The following UGT2B17 variants were observed in gnomAD, a reference collection of about 807,000 sequenced individuals.
UGT2B17 encodes UDP-glucuronosyltransferase 2B17.
Under a neutral mutation model 48.2 loss-of-function variants are expected in UGT2B17, and 21 were observed. The observed-to-expected ratio is 0.44, with a 90% CI of 0.31 to 0.63. The LOEUF (loss-of-function observed/expected upper bound fraction) is 0.63. Among genes scored for constraint, UGT2B17 ranks in the 20% least tolerant of loss-of-function variants. The pLI, the probability that UGT2B17 is intolerant of heterozygous loss-of-function variation, is 0.08. For synonymous variants in UGT2B17, 146 were observed against 238.4 expected (o/e 0.61, Z 3.57); for missense variants, 402 against 696.1 (o/e 0.58, Z 4.75).
rs1224530332 is a variant in UGT2B17 at position 68,569,400 on chromosome 4, G to A, written c.-64-852C>T. Among the ~76,000 whole-genome samples the A allele has an allele frequency of 1.6e-5, 2 of 124,492 alleles. 1 individual carries two copies. The allele number at this position is 124,492 out of a possible 152,430, so 81.7% of individuals were successfully genotyped here. A position where few individuals can be genotyped will look rare whatever the true frequency, so the allele number is the denominator to read the frequency against. On this transcript the variant is annotated intron_variant, in intron 1 of 6. Transcript: ENST00000317746. ...AGTTCCTGACTTTATGTGAAGCTGA[G>A]TCAAATTAGAGAACCAAGCCAAGCA... is the stretch of plus-strand genomic sequence containing the variant.
intron 6 of UGT2B17, among the ~76,000 whole-genome samples, chr4:68,543,263 A>C (rs1249192947): frequency 8.0e-6 from 1 of 125,280 alleles, no homozygotes; most frequent in Admixed American, 8.2e-5. Flanking sequence ...TCAGACAGCA[A>C]CATTTGCTGT....
Position 68,537,591 on chromosome 4 carries a change from C to A in UGT2B17, c.*34G>T. 7.6e-7 allele frequency: 1 copy of A among 1,307,964 alleles called. No individual in the cohort carries two copies. The allele number at this position is 1,307,964 out of a possible 1,614,324, so 81.0% of individuals were successfully genotyped here. A position where few individuals can be genotyped will look rare whatever the true frequency, so the allele number is the denominator to read the frequency against. ...TGCTGGAATAAAGGAGGAGTCCCAT[C>A]TTTTGGTCATTCCACTTCAGGCTTT... On this transcript the variant is annotated 3_prime_UTR_variant, in exon 7 of 7. Transcript: ENST00000317746.
At position 68,563,048 on chromosome 4, in the gene UGT2B17, T is replaced by C. The variant is rs1731132805; in HGVS notation, c.874-2380A>G. 1.6e-5 allele frequency among the ~76,000 whole-genome samples: 2 copies of C among 127,150 alleles called. 1 individual carries two copies. Among genetic ancestry groups the C allele is most frequent in the Admixed American group, 1.6e-4 (2 of 12,466 alleles). 83.4% of individuals were successfully genotyped at this position (127,150 alleles called of 152,430 possible). A position where few individuals can be genotyped will look rare whatever the true frequency, so the allele number is the denominator to read the frequency against. ...GAGTTTTTTAACGAATATTTGCTAC[T>C]AATATTGAATCTTACCATCATGATT... is the stretch of plus-strand genomic sequence containing the variant. On this transcript the variant is annotated intron_variant, in intron 3 of 6. Coordinates refer to ENST00000317746, the MANE Select transcript of UGT2B17 (RefSeq NM_001077.4).
chr4:68,560,980 AT>A (rs1402964113), intron 3 of UGT2B17, among the ~76,000 whole-genome samples: 1 of 125,306 alleles, frequency 8.0e-6, no homozygotes, highest in African/African-American at 2.7e-5. Context: ...CACTTTATTT[AT>A]AATATTATAA....
intron 5 of UGT2B17, 122 bp from the exon 6 acceptor site, chr4:68,551,018 T>C: frequency 1.5e-6 from 1 of 679,058 alleles, no homozygotes; most frequent in Non-Finnish European, 2.1e-6. Flanking sequence ...CCCACAAAAC[T>C]GCATTGAAAT....
At chr4:68,569,905 T>C (rs1209625123) in intron 1 of UGT2B17, among the ~76,000 whole-genome samples, 3 of 126,542 alleles carry the variant, frequency 2.4e-5, no homozygotes, top group African/African-American at 8.1e-5. Flanking sequence ...TGTTGTCTGT[T>C]GGCATGCTCT....
In UGT2B17 at chr4:68,542,219, A is replaced by G. The variant is rs181764433; in HGVS notation, c.1314-4315T>C. On this transcript the variant is annotated intron_variant, in intron 6 of 6. Transcript: ENST00000317746. ...ATTTCTGAGGCGTATGTTCTGTTCC[A>G]TTGGTCAATACATCTTTTTGGTACC... 1.6e-5 allele frequency among the ~76,000 whole-genome samples: 2 copies of G among 126,250 alleles called. 1 individual carries two copies. The highest frequency in any genetic ancestry group is 5.4e-5 in the African/African-American group (2 of 36,904). The allele number at this position is 126,250 out of a possible 152,430, so 82.8% of individuals were successfully genotyped here. A position where few individuals can be genotyped will look rare whatever the true frequency, so the allele number is the denominator to read the frequency against.
intron 2 of UGT2B17, 70 bp downstream of exon 2, chr4:68,567,691 T>G: frequency 9.4e-7 from 1 of 1,061,762 alleles, no homozygotes; most frequent in South Asian, 2.7e-5. Flanking sequence ...ACATTATATT[T>G]ATATAAGCCC....
rs1204129127 is a variant in UGT2B17 at position 68,569,909 on chromosome 4, A to G, written c.-64-1361T>C. 4.7e-5 allele frequency among the ~76,000 whole-genome samples: 6 copies of G among 126,450 alleles called. 1 individual carries two copies. The highest frequency in any genetic ancestry group is 1.4e-4 in the African/African-American group (5 of 36,894). 83.0% of individuals were successfully genotyped at this position (126,450 alleles called of 152,430 possible). A position where few individuals can be genotyped will look rare whatever the true frequency, so the allele number is the denominator to read the frequency against. On this transcript the variant is annotated intron_variant, in intron 1 of 6. Transcript: ENST00000317746. Reference sequence around the variant, plus strand: ...GCACTGCCTCGTGTTGTCTGTTGGCATGCTCTCAGGGATCAAACCAATTCA... The same window carrying G: ...GCACTGCCTCGTGTTGTCTGTTGGCGTGCTCTCAGGGATCAAACCAATTCA...
rs1179142315 is a variant in UGT2B17 at position 68,575,944 on chromosome 4, G to A, written c.-65+7C>T. ...GGAGTGGGACAAGTTCAAAAGACTA[G>A]TCTTACCAAGTTCCAGATGTCCAGA... On this transcript the variant is annotated splice_region_variant and intron_variant, in intron 1 of 6. Transcript: ENST00000317746. Among the ~76,000 whole-genome samples the A allele has an allele frequency of 3.2e-5, 4 of 126,536 alleles. No individual in the cohort carries two copies. The highest frequency in any genetic ancestry group is 6.7e-5 in the Non-Finnish European group (4 of 59,610). The allele number at this position is 126,536 out of a possible 152,430, so 83.0% of individuals were successfully genotyped here.
intron 4 of UGT2B17, among the ~76,000 whole-genome samples, chr4:68,559,452 G>A (rs1245066645): frequency 7.9e-6 from 1 of 125,798 alleles, no homozygotes; most frequent in African/African-American, 2.7e-5. Context: ...AGCATTGACA[G>A]CCTTGATATA....
At position 68,567,881 on chromosome 4, in the gene UGT2B17, A is replaced by G. The variant is rs764287789; in HGVS notation, c.604T>C (p.Leu202=). ...PSYVPVVMSE[L]SDQMIFMERI... ...TCCATGAAAATCATTTGATCACTTAATTCTGACATAACAACAGGTACATAG... is the reference window on the plus strand; with the variant it reads ...TCCATGAAAATCATTTGATCACTTAGTTCTGACATAACAACAGGTACATAG... The change falls in exon 2 of 7, where the codon TTA becomes CTA. Residue 202 remains leucine, a synonymous_variant. Transcript: ENST00000317746. The G allele has an allele frequency of 2.2e-6, 3 of 1,378,842 alleles. 1 individual carries two copies. The Admixed American group carries it at 6.1e-5, about 28-fold the overall frequency. The allele number at this position is 1,378,842 out of a possible 1,614,324, so 85.4% of individuals were successfully genotyped here. A position where few individuals can be genotyped will look rare whatever the true frequency, so the allele number is the denominator to read the frequency against.
intron 3 of UGT2B17, among the ~76,000 whole-genome samples, chr4:68,564,263 T>C (rs1159461314): frequency 8.9e-6 from 1 of 111,810 alleles, no homozygotes; most frequent in Non-Finnish European, 1.8e-5. Flanking sequence ...TTAATGGGTA[T>C]ATCAAATTTC....
chr4:68,538,185 G>A (rs1196282245), intron 6 of UGT2B17, among the ~76,000 whole-genome samples: 1 of 125,070 alleles, frequency 8.0e-6, no homozygotes, highest in African/African-American at 2.7e-5. Flanking sequence ...CATTCTAAGT[G>A]CTATAAGTAA....
intron 6 of UGT2B17, among the ~76,000 whole-genome samples, chr4:68,539,640 A>G (rs1263459531): frequency 8.1e-6 from 1 of 124,174 alleles, no homozygotes; most frequent in Admixed American, 8.4e-5. Context: ...GTTTTTAGTT[A>G]TCATTTTCTG....
rs368302186 is a variant in UGT2B17, at chr4:68,537,747, A to G, written c.1471T>C (p.Ser491Pro). 2 of 1,379,626 alleles carry G rather than the reference A, an allele frequency of 1.4e-6. No individual in the cohort carries two copies. The highest frequency in any genetic ancestry group is 1.9e-6 in the Non-Finnish European group (2 of 1,055,036). The allele number at this position is 1,379,626 out of a possible 1,614,324, so 85.5% of individuals were successfully genotyped here. ...AGCAGGAATGCTATCACATCCAAAGAGTGGTACTGGATCCAGGTGAGGTTG... is the reference window on the plus strand; with the variant it reads ...AGCAGGAATGCTATCACATCCAAAGGGTGGTACTGGATCCAGGTGAGGTTG... ...AHNLTWIQYH[S>P]LDVIAFLLAC... is the part of the protein sequence containing the mutation. The change falls in exon 7 of 7, where the codon TCT becomes CCT. Residue 491 changes from serine (S) to proline (P), a missense_variant. Ser to Pro is a moderately conservative substitution (Grantham distance 74). This residue lies in a region of UGT2B17 where 156 missense variants were observed against 258.6 expected (regional missense o/e 0.60). Coordinates refer to ENST00000317746, the MANE Select transcript of UGT2B17 (RefSeq NM_001077.4).
At position 68,560,770 on chromosome 4, in the gene UGT2B17, T is replaced by C. The variant is rs938272512; in HGVS notation, c.874-102A>G. 404 of 1,288,292 alleles carry C rather than the reference T, an allele frequency of 3.1e-4. 53 individuals are homozygous for C. Among genetic ancestry groups the C allele is most frequent in the Non-Finnish European group, 3.8e-4 (378 of 984,692 alleles). The allele number at this position is 1,288,292 out of a possible 1,614,324, so 79.8% of individuals were successfully genotyped here. The stretch of plus-strand genomic sequence containing the variant: ...CTAAGATGAGAAAGTCAGGAGCTAT[T>C]GGAGTAATTTTTTTAAACTGACCTA... On this transcript the variant is annotated intron_variant, in intron 3 of 6. Transcript: ENST00000317746.
chr4:68,558,478 T>C (rs1451945497), intron 4 of UGT2B17, among the ~76,000 whole-genome samples: 1 of 126,502 alleles, frequency 7.9e-6, no homozygotes, highest in Non-Finnish European at 1.7e-5. Context: ...CCAATTTACA[T>C]ACATAATCCA....
rs1279079638 is a variant in UGT2B17 at position 68,545,265 on chromosome 4, G to C, written c.1313+5412C>G. 5.5e-5 allele frequency among the ~76,000 whole-genome samples: 7 copies of C among 126,428 alleles called. 1 individual carries two copies. The highest frequency in any genetic ancestry group is 1.0e-4 in the Non-Finnish European group (6 of 59,660). The allele number at this position is 126,428 out of a possible 152,430, so 82.9% of individuals were successfully genotyped here. On this transcript the variant is annotated intron_variant, in intron 6 of 6. Transcript: ENST00000317746. Reference sequence around the variant, plus strand: ...CAATCAAACTAGAACTCAGGATTAAGAAACTCACTCAAAACTGTTCAACTA... The same window carrying C: ...CAATCAAACTAGAACTCAGGATTAACAAACTCACTCAAAACTGTTCAACTA...
Sources: allele counts gnomAD v4.1 joint callset (sites outside exome capture counted in the v4.1 genomes callset), GRCh38; gene constraint gnomAD v4.1.1; regional missense constraint gnomAD v4.1.1; transcripts MANE v1.5; gene names NCBI Gene and HGNC (gene_info 2026-07-23, HGNC 2026-07-21).